Variants in MMD observed in about 807,000 individuals in gnomAD.
MMD encodes monocyte to macrophage differentiation factor.
MMD carries 22 observed loss-of-function variants against 33.6 expected under a neutral mutation model. That is an observed-to-expected ratio of 0.66 (90% CI 0.47 to 0.94). MMD has a LOEUF of 0.94. MMD is among the 40% of genes least tolerant of loss of function. The pLI is 0.00. For synonymous variants in MMD, 97 were observed against 103.2 expected (o/e 0.94, Z 0.36); for missense variants, 242 against 309.8 (o/e 0.78, Z 1.64).
rs1442866899 is a variant in MMD, at chr17:55,397,556, ATGT to A, written c.517-3025_517-3023del. 2.7e-5 allele frequency among the ~76,000 whole-genome samples: 4 copies of A among 149,154 alleles called. 1 individual carries two copies. The highest frequency in any genetic ancestry group is 6.0e-5 in the Non-Finnish European group (4 of 67,200). On this transcript the variant is annotated intron_variant, in intron 6 of 6. Coordinates refer to ENST00000262065, the MANE Select transcript of MMD (RefSeq NM_012329.3). ...TTATTTATTTTTGAGATGGAGTCTC[ATGT>A]TGTTGCCTAGGCTGGAGTGCAGTGG...
At chr17:55,407,622 G>A in intron 4 of MMD, 124 bp downstream of exon 4, 1 of 783,220 alleles carries the variant, frequency 1.3e-6, no homozygotes, top group Non-Finnish European at 2.0e-6. Context: ...TATGTGTTCA[G>A]GAGGAGGGAA....
At chr17:55,417,124 GAGT>G in intron 1 of MMD, among the ~76,000 whole-genome samples, 1 of 152,280 alleles carries the variant, frequency 6.6e-6, no homozygotes, top group East Asian at 1.9e-4. Flanking sequence ...TGTGCCCACT[GAGT>G]AGATCTGCAA....
intron 1 of MMD, among the ~76,000 whole-genome samples, chr17:55,414,542 C>CCCT: frequency 7.4e-6 from 1 of 134,988 alleles, no homozygotes; most frequent in Non-Finnish European, 1.6e-5. Flanking sequence ...TCAACTGGAA[C>CCCT]CCTCCTCCTC....
intron 1 of MMD, among the ~76,000 whole-genome samples, chr17:55,418,045 G>A (rs1194317239): frequency 6.6e-6 from 1 of 152,082 alleles, no homozygotes; most frequent in Non-Finnish European, 1.5e-5. Context: ...TCTGCCTCTG[G>A]GCATGTGTAC....
At chr17:55,400,556 GAAA>G (rs11371752) in intron 6 of MMD, among the ~76,000 whole-genome samples, 3 of 144,626 alleles carry the variant, frequency 2.1e-5, no homozygotes, top group Non-Finnish European at 4.5e-5. Context: ...TCAAAAAAAA[GAAA>G]AAAAAAAAAA....
chr17:55,420,011 G>A (rs1400677355), intron 1 of MMD: 2 of 152,240 alleles, frequency 1.3e-5, no homozygotes, highest in Non-Finnish European at 2.9e-5. Flanking sequence ...TGAGAGGGTA[G>A]CATCCTAAAT....
intron 3 of MMD, among the ~76,000 whole-genome samples, chr17:55,408,154 C>T (rs1443491694): frequency 6.6e-6 from 1 of 152,146 alleles, no homozygotes; most frequent in Non-Finnish European, 1.5e-5. Context: ...TTTGGATCCC[C>T]TCTAACAGAA....
chr17:55,421,789 G>A lies in MMD; in HGVS notation c.-94C>T, dbSNP rs1414365683. 5.0e-6 allele frequency: 7 copies of A among 1,389,682 alleles called. No homozygotes were observed. Among genetic ancestry groups the A allele is most frequent in the African/African-American group, 1.5e-5 (1 of 66,294 alleles). The allele number at this position is 1,389,682 out of a possible 1,614,324, so 86.1% of individuals were successfully genotyped here. A position where few individuals can be genotyped will look rare whatever the true frequency, so the allele number is the denominator to read the frequency against. On this transcript the variant is annotated 5_prime_UTR_variant, in exon 1 of 7. Coordinates refer to ENST00000262065, the MANE Select transcript of MMD (RefSeq NM_012329.3). Reference sequence around the variant, plus strand: ...CTCATGGGCTTGGGCTGCTCCGGAGGCCGCCTGCGTGTCCAGCGGAACCCT... The same window carrying A: ...CTCATGGGCTTGGGCTGCTCCGGAGACCGCCTGCGTGTCCAGCGGAACCCT...
At position 55,401,436 on chromosome 17, in the gene MMD, G is replaced by T. The variant is rs1006985270; in HGVS notation, c.516+33C>A. ...CATGTTAAGTTCCAGCAGCTTAAAA[G>T]AAAATAACTAAAATTCTGAAGCCAT... On this transcript the variant is annotated intron_variant, in intron 6 of 6. Coordinates refer to ENST00000262065, the MANE Select transcript of MMD (RefSeq NM_012329.3). The T allele has an allele frequency of 7.1e-6, 11 of 1,548,052 alleles. No individual in the cohort carries two copies. The Admixed American group carries it at 1.7e-4, about 24-fold the overall frequency.
intron 1 of MMD, 36 bp from the exon 2 acceptor site, chr17:55,414,268 CA>C (rs762405039): frequency 6.3e-7 from 1 of 1,594,894 alleles, no homozygotes; most frequent in African/African-American, 1.3e-5. Flanking sequence ...AAGAAAAACT[CA>C]AAGTGTGTGA....
chr17:55,397,342 AGTAGAGACG>A (rs1316275733), intron 6 of MMD, among the ~76,000 whole-genome samples: 1 of 151,552 alleles, frequency 6.6e-6, no homozygotes, highest in Non-Finnish European at 1.5e-5. Context: ...TTGTATTTTT[AGTAGAGACG>A]GGTTTTGCCA....
chr17:55,395,655 T>C (rs891282316), intron 6 of MMD, among the ~76,000 whole-genome samples: 3 of 152,206 alleles, frequency 2.0e-5, no homozygotes, highest in Non-Finnish European at 4.4e-5. Flanking sequence ...GCCCCCATGT[T>C]TTGTGTGGGA....
At chr17:55,400,147 T>C (rs1301374155) in intron 6 of MMD, among the ~76,000 whole-genome samples, 1 of 152,202 alleles carries the variant, frequency 6.6e-6, no homozygotes, top group Non-Finnish European at 1.5e-5. Context: ...AAGAAATATA[T>C]TTTGTTATAT....
chr17:55,413,211 A>G (rs188928015), intron 2 of MMD, among the ~76,000 whole-genome samples: 42 of 152,348 alleles, frequency 2.8e-4, no homozygotes, highest in African/African-American at 1.0e-3. Flanking sequence ...ACCAACAGTG[A>G]CTACCACAGT....
At position 55,393,473 on chromosome 17, in the gene MMD, C is replaced by T. The variant is rs1270708692; in HGVS notation, c.*861G>A. Reference sequence around the variant, plus strand: ...CAGATGGCCATCACAACAATACTGTCATAATACAGAAAAAACATTTATCCA... The same window carrying T: ...CAGATGGCCATCACAACAATACTGTTATAATACAGAAAAAACATTTATCCA... On this transcript the variant is annotated 3_prime_UTR_variant, in exon 7 of 7. Transcript: ENST00000262065. The T allele has an allele frequency of 6.6e-6, 1 of 152,550 alleles. No individual in the cohort carries two copies. The highest frequency in any genetic ancestry group is 1.5e-5 in the Non-Finnish European group (1 of 68,012). 9.4% of individuals were successfully genotyped at this position (152,550 alleles called of 1,614,324 possible).
chr17:55,421,232 C>T (rs1908172922), intron 1 of MMD, among the ~76,000 whole-genome samples: 1 of 152,240 alleles, frequency 6.6e-6, no homozygotes, highest in African/African-American at 2.4e-5. Flanking sequence ...TCCGCGCGCC[C>T]CGGGAGACCC....
intron 6 of MMD, among the ~76,000 whole-genome samples, chr17:55,395,682 G>A (rs1907072950): frequency 6.6e-6 from 1 of 152,250 alleles, no homozygotes; most frequent in Admixed American, 6.5e-5. Context: ...GATGGGGAAG[G>A]AGCCAATCCA....
intron 4 of MMD, among the ~76,000 whole-genome samples, chr17:55,406,695 G>A (rs11079171): frequency 0.13 from 20,022 of 151,830 alleles, 1,818 homozygotes; most frequent in East Asian, 0.45. Flanking sequence ...ACCTGGTATC[G>A]ACAACATGGT....
At chr17:55,399,961 C>T (rs56093227) in intron 6 of MMD, among the ~76,000 whole-genome samples, 6,299 of 152,188 alleles carry the variant, frequency 0.041, 444 homozygotes, top group African/African-American at 0.14. Context: ...CTGCACAAAC[C>T]TTGCTTATAT....
Sources: allele counts gnomAD v4.1 joint callset (sites outside exome capture counted in the v4.1 genomes callset), GRCh38; gene constraint gnomAD v4.1.1; transcripts MANE v1.5; gene names NCBI Gene and HGNC (gene_info 2026-07-23, HGNC 2026-07-21).